Variants in ST18 observed in about 807,000 individuals in gnomAD.
ST18 encodes the protein suppression of tumorigenicity 18 protein.
In ST18, 50 loss-of-function variants were observed where a neutral mutation model predicts 110.0. The ratio of observed to expected loss-of-function variants is 0.45; its 90% CI spans 0.36 to 0.58. The LOEUF (loss-of-function observed/expected upper bound fraction) is 0.58, where lower values mean the gene tolerates loss of function less well. Ranked by LOEUF, ST18 falls within the 20% of genes least tolerant of loss-of-function variation. ST18 has a pLI of 0.00. For synonymous variants in ST18, 461 were observed against 452.4 expected (o/e 1.02, Z -0.24); for missense variants, 1,306 against 1,280.1 (o/e 1.02, Z -0.31).
intron 2 of ST18, among the ~76,000 whole-genome samples, chr8:52,306,205 CT>C (rs932575931): frequency 6.6e-6 from 1 of 152,122 alleles, no homozygotes; most frequent in African/African-American, 2.4e-5. Flanking sequence ...GTGATGCCAG[CT>C]CTGGCCATCT....
At chr8:52,300,936 T>C (rs547396013) in intron 2 of ST18, among the ~76,000 whole-genome samples, 11 of 152,358 alleles carry the variant, frequency 7.2e-5, no homozygotes, top group Non-Finnish European at 1.2e-4. Flanking sequence ...ATACACATTT[T>C]AAAATGGAAT....
intron 7 of ST18, among the ~76,000 whole-genome samples, chr8:52,213,595 G>A (rs923692686): frequency 1.3e-5 from 2 of 152,112 alleles, no homozygotes; most frequent in Non-Finnish European, 2.9e-5. Context: ...GGGTATTATT[G>A]CCAGTCAATC....
intron 2 of ST18, among the ~76,000 whole-genome samples, chr8:52,324,554 T>C (rs1376546547): frequency 1.3e-5 from 2 of 152,128 alleles, no homozygotes; most frequent in Non-Finnish European, 2.9e-5. Flanking sequence ...TGCACGGCAA[T>C]GGGAACTAGT....
At chr8:52,409,785 C>T (rs963154563), upstream of ST18, 1 of 152,286 alleles carries the variant, frequency 6.6e-6, no homozygotes, top group African/African-American at 2.4e-5. Flanking sequence ...AACTTGCTAA[C>T]TTTGCTCTGT....
At chr8:52,357,723 ATATATAT>A (rs1564568910) in intron 2 of ST18, among the ~76,000 whole-genome samples, 44 of 78,038 alleles carry the variant, frequency 5.6e-4, no homozygotes, top group East Asian at 4.6e-3. Context: ...ATATATATAT[ATATATAT>A]AAAACAGACT....
intron 14 of ST18, among the ~76,000 whole-genome samples, chr8:52,160,162 A>G (rs540800560): frequency 1.1e-4 from 16 of 152,358 alleles, no homozygotes; most frequent in African/African-American, 3.4e-4. Flanking sequence ...ATATGTATGT[A>G]CGTATATTGT....
At chr8:52,311,974 A>G (rs2095923130) in intron 2 of ST18, among the ~76,000 whole-genome samples, 1 of 152,192 alleles carries the variant, frequency 6.6e-6, no homozygotes, top group Admixed American at 6.5e-5. Context: ...TGCAGAAATA[A>G]TATCTTGTAC....
intron 9 of ST18, among the ~76,000 whole-genome samples, chr8:52,179,668 A>AT (rs899976004): frequency 6.6e-6 from 1 of 152,094 alleles, no homozygotes; most frequent in Non-Finnish European, 1.5e-5. Flanking sequence ...ATTAAAAAAA[A>AT]TTTTTAACTG....
intron 8 of ST18, among the ~76,000 whole-genome samples, chr8:52,190,386 T>G (rs1463769283): frequency 6.6e-6 from 1 of 152,156 alleles, no homozygotes; most frequent in Non-Finnish European, 1.5e-5. Context: ...ATAGGATGCA[T>G]GGCTGATGGT....
chr8:52,314,453 C>T (rs563164691), intron 2 of ST18, among the ~76,000 whole-genome samples: 1 of 152,222 alleles, frequency 6.6e-6, no homozygotes, highest in Non-Finnish European at 1.5e-5. Context: ...GAAGACATTA[C>T]TGTACCTGTC....
intron 8 of ST18, among the ~76,000 whole-genome samples, chr8:52,208,300 C>T (rs1012268193): frequency 2.6e-5 from 4 of 152,212 alleles, no homozygotes; most frequent in African/African-American, 9.6e-5. Flanking sequence ...ATAGCCATAA[C>T]TTTTACACTG....
intron 8 of ST18, among the ~76,000 whole-genome samples, chr8:52,202,580 G>A (rs898936427): frequency 6.6e-6 from 1 of 152,190 alleles, no homozygotes; most frequent in Non-Finnish European, 1.5e-5. Context: ...AAACAGACAA[G>A]TAAAGAAGTG....
chr8:52,178,643 ACCAC>A lies in ST18; in HGVS notation c.277+1475_277+1478del, dbSNP rs1381281594. On this transcript the variant is annotated intron_variant, in intron 9 of 25. Coordinates refer to ENST00000689386, the MANE Select transcript of ST18 (RefSeq NM_001352837.2). ...AAAAAAAAAAAAAAAAAAAAAAAAA[ACCAC>A]CAAAAACCAAAATAAAACAAACAAA... Among the ~76,000 whole-genome samples, 7 of 91,760 alleles carry A rather than the reference ACCAC, an allele frequency of 7.6e-5. 2 individuals are homozygous for A. The highest frequency in any genetic ancestry group is 6.2e-4 in the East Asian group (2 of 3,224). The allele number at this position is 91,760 out of a possible 152,430, so 60.2% of individuals were successfully genotyped here. A position where few individuals can be genotyped will look rare whatever the true frequency, so the allele number is the denominator to read the frequency against.
chr8:52,251,750 C>T (rs1348541678), intron 2 of ST18, among the ~76,000 whole-genome samples: 1 of 152,048 alleles, frequency 6.6e-6, no homozygotes, highest in Non-Finnish European at 1.5e-5. Context: ...TATCCTTTCA[C>T]CAGCTGCTAG....
chr8:52,208,971 G>A (rs376762160), intron 8 of ST18, among the ~76,000 whole-genome samples: 2 of 152,178 alleles, frequency 1.3e-5, no homozygotes, highest in African/African-American at 4.8e-5. Context: ...AATAAAAATA[G>A]GTGAATTAAT....
chr8:52,405,870 G>C (rs1450863449), intron 2 of ST18: 3 of 152,090 alleles, frequency 2.0e-5, no homozygotes, highest in African/African-American at 4.8e-5. Context: ...TGGGGGAAGG[G>C]GTGGTCATCA....
At chr8:52,196,521 C>T (rs1373030690) in intron 8 of ST18, among the ~76,000 whole-genome samples, 1 of 152,040 alleles carries the variant, frequency 6.6e-6, no homozygotes, top group Non-Finnish European at 1.5e-5. Flanking sequence ...TTTCATTTTC[C>T]ATGGTTTCAG....
At chr8:52,299,082 T>A (rs2095676360) in intron 2 of ST18, among the ~76,000 whole-genome samples, 1 of 152,216 alleles carries the variant, frequency 6.6e-6, no homozygotes, top group Non-Finnish European at 1.5e-5. Flanking sequence ...AGTGATTATA[T>A]TTTGGAATAT....
chr8:52,200,162 G>T (rs1272874245), intron 8 of ST18, among the ~76,000 whole-genome samples: 2 of 149,232 alleles, frequency 1.3e-5, no homozygotes, highest in African/African-American at 5.1e-5. Flanking sequence ...AGAGATTCCT[G>T]CTCCACAAAA....
Sources: allele counts gnomAD v4.1 joint callset (sites outside exome capture counted in the v4.1 genomes callset), GRCh38; gene constraint gnomAD v4.1.1; transcripts MANE v1.5; gene names NCBI Gene and HGNC (gene_info 2026-07-23, HGNC 2026-07-21).